AGBL2: variants seen among roughly 807,000 people sequenced by gnomAD.
AGBL2 encodes AGBL carboxypeptidase 2.
Under a neutral mutation model 103.0 loss-of-function variants are expected in AGBL2, and 87 were observed. The ratio of observed to expected loss-of-function variants is 0.84; its 90% CI spans 0.71 to 1.01. The LOEUF (loss-of-function observed/expected upper bound fraction) is 1.01. AGBL2 is among the 50% of genes least tolerant of loss of function. AGBL2 has a pLI of 0.00. For synonymous variants in AGBL2, 335 were observed against 356.7 expected (o/e 0.94, Z 0.69); for missense variants, 904 against 1,023.5 (o/e 0.88, Z 1.59).
At chr11:47,663,179 A>G in intron 17 of AGBL2, 67 bp from the exon 18 acceptor site, 1 of 942,944 alleles carries the variant, frequency 1.1e-6, no homozygotes, top group Non-Finnish European at 1.6e-6. Context: ...GTGAATATAC[A>G]TTATTCATTT....
intron 8 of AGBL2, among the ~76,000 whole-genome samples, chr11:47,693,510 C>T (rs1315359412): frequency 6.8e-6 from 1 of 148,098 alleles, no homozygotes; most frequent in Non-Finnish European, 1.5e-5. Context: ...TCTTGGCACC[C>T]TTGTCAAAAA....
At chr11:47,664,893 TTA>T (rs1282811228) in intron 17 of AGBL2, among the ~76,000 whole-genome samples, 15 of 150,024 alleles carry the variant, frequency 1.0e-4, no homozygotes, top group Non-Finnish European at 1.5e-4. Flanking sequence ...TTTTTTTTTT[TTA>T]ATTTTTAGCA....
chr11:47,710,472 T>C lies in AGBL2; in HGVS notation c.137A>G (p.His46Arg). Reference sequence around the variant, plus strand: ...GCATTGAGGGTTATTCTTCCGAACATGCTGATGCGTAGCAGAGTTTGGTAA... The same window carrying C: ...GCATTGAGGGTTATTCTTCCGAACACGCTGATGCGTAGCAGAGTTTGGTAA... The part of the protein sequence containing the change: ...GSLPNSATHQ[H>R]VRKNNPQCLL... The change falls in exon 4 of 19, where the codon CAT (histidine) becomes CGT (arginine). Residue 46 changes from histidine to arginine, a missense_variant. His to Arg is a conservative substitution (Grantham distance 29). Coordinates refer to ENST00000525123, the MANE Select transcript of AGBL2 (RefSeq NM_024783.4). 1.2e-6 allele frequency: 2 copies of C among 1,614,200 alleles called. No homozygotes were observed. The highest frequency in any genetic ancestry group is 1.7e-6 in the Non-Finnish European group (2 of 1,180,034).
intron 9 of AGBL2, among the ~76,000 whole-genome samples, chr11:47,691,729 A>AAAAAAAAATATATATATATATAT: frequency 2.1e-4 from 1 of 4,854 alleles, no homozygotes; most frequent in African/African-American, 7.2e-4. Context: ...AAAAAAAAAA[A>AAAAAAAAATATATATATATATAT]ATATATATAT....
intron 3 of AGBL2, chr11:47,710,814 T>C: frequency 2.1e-6 from 1 of 483,186 alleles, no homozygotes; most frequent in Non-Finnish European, 4.1e-6. Context: ...GTGTTGGAAC[T>C]CAGAAAATGA....
intron 8 of AGBL2, among the ~76,000 whole-genome samples, chr11:47,696,028 AAAAAAAAAG>A (rs2097470328): frequency 9.7e-4 from 8 of 8,220 alleles, no homozygotes; most frequent in African/African-American, 1.5e-3. Context: ...AAAAAAAAAA[AAAAAAAAAG>A]AAAAAAAAAA....
rs1156506250 is a variant in AGBL2 at position 47,714,618 on chromosome 11, C to T, written c.33G>A (p.Gln11=). The change falls in exon 2 of 19, where the codon CAG becomes CAA. Residue 11 remains glutamine, a splice_region_variant and synonymous_variant. Transcript: ENST00000525123. ...GTGGCTTTCCGTGTTGTGTACCGAC[C>T]TGCTTTAGGTGCGTTTCCAAAGCTG... is the stretch of plus-strand genomic sequence containing the variant. MFPALETHLK[Q]TIPDPYEDFM... 2 of 1,613,756 alleles carry T rather than the reference C, an allele frequency of 1.2e-6. No homozygotes were observed. The highest frequency in any genetic ancestry group is 1.7e-5 in the Admixed American group (1 of 59,908).
chr11:47,686,447 G>GTTTTTTTTTTTTT (rs563969184), intron 10 of AGBL2, among the ~76,000 whole-genome samples: 1 of 105,078 alleles, frequency 9.5e-6, no homozygotes, highest in Non-Finnish European at 1.9e-5. Flanking sequence ...TTTGTTTCTG[G>GTTTTTTTTTTTTT]TTTTTTTTTT....
At chr11:47,687,558 A>G (rs1027395931) in intron 10 of AGBL2, among the ~76,000 whole-genome samples, 4 of 151,780 alleles carry the variant, frequency 2.6e-5, no homozygotes, top group Non-Finnish European at 5.9e-5. Context: ...CGTCTCAAAA[A>G]AAAAAAAGTG....
intron 4 of AGBL2, among the ~76,000 whole-genome samples, chr11:47,706,797 C>A (rs2097521640): frequency 6.7e-6 from 1 of 150,048 alleles, no homozygotes; most frequent in Non-Finnish European, 1.5e-5. Flanking sequence ...ACCTGTAATC[C>A]CAGCACTTTG....
At chr11:47,696,024 A>AT (rs1565068793) in intron 8 of AGBL2, among the ~76,000 whole-genome samples, 1 of 32,956 alleles carries the variant, frequency 3.0e-5, no homozygotes, top group Non-Finnish European at 5.4e-5. Flanking sequence ...AAAAAAAAAA[A>AT]AAAAAAAAAA....
chr11:47,699,181 A>G (rs1807352823), intron 8 of AGBL2, among the ~76,000 whole-genome samples: 1 of 152,210 alleles, frequency 6.6e-6, no homozygotes, highest in African/African-American at 2.4e-5. Context: ...ATGATCCAAC[A>G]TCTGATTTTC....
intron 3 of AGBL2, among the ~76,000 whole-genome samples, chr11:47,712,580 G>A (rs985592355): frequency 1.3e-5 from 2 of 152,312 alleles, no homozygotes; most frequent in African/African-American, 4.8e-5. Flanking sequence ...TTGATCTACA[G>A]ATTTAATGCA....
chr11:47,678,338 A>ATTTTTT (rs1196435610), intron 13 of AGBL2, among the ~76,000 whole-genome samples: 9 of 95,302 alleles, frequency 9.4e-5, no homozygotes, highest in Non-Finnish European at 1.5e-4. Flanking sequence ...TTATTTTATT[A>ATTTTTT]TTTTATTTTT....
intron 14 of AGBL2, among the ~76,000 whole-genome samples, chr11:47,675,184 T>C (rs929289703): frequency 1.3e-5 from 2 of 149,454 alleles, no homozygotes; most frequent in East Asian, 2.0e-4. Context: ...CTTACTTCCT[T>C]GAGATCCCAC....
At chr11:47,699,576 G>C in intron 7 of AGBL2, 23 bp from the exon 8 acceptor site, 1 of 1,315,550 alleles carries the variant, frequency 7.6e-7, no homozygotes, top group Non-Finnish European at 1.1e-6. Flanking sequence ...ATTTTAAAAA[G>C]TACAAAATAA....
At chr11:47,685,759 T>C (rs991924665) in intron 11 of AGBL2, 134 bp downstream of exon 11, 14 of 972,512 alleles carry the variant, frequency 1.4e-5, no homozygotes, top group Non-Finnish European at 9.0e-6. Context: ...TCTAAATTCT[T>C]GAAGTCTAGG....
chr11:47,714,852 C>G, intron 1 of AGBL2, 102 bp from the exon 2 acceptor site: 1 of 598,222 alleles, frequency 1.7e-6, no homozygotes, highest in Non-Finnish European at 3.0e-6. Flanking sequence ...CCAGCTTCTC[C>G]TCAGCTAAAC....
At chr11:47,676,893 C>T (rs2097377555) in intron 14 of AGBL2, among the ~76,000 whole-genome samples, 1 of 152,006 alleles carries the variant, frequency 6.6e-6, no homozygotes, top group South Asian at 2.1e-4. Context: ...AAAGGCTTTC[C>T]ATCTCCGTTG....
Sources: gnomAD v4.1 joint callset for allele counts (sites outside exome capture counted in the v4.1 genomes callset) on GRCh38, gnomAD v4.1.1 for gene constraint, MANE v1.5 for transcripts, NCBI Gene and HGNC (gene_info 2026-07-23, HGNC 2026-07-21) for gene names.